The following BRD9 variants were observed in gnomAD, a reference collection of about 807,000 sequenced individuals.
BRD9 encodes the protein bromodomain-containing protein 9.
Under a neutral mutation model 68.7 loss-of-function variants are expected in BRD9, and 47 were observed. That is an observed-to-expected ratio of 0.68 (90% confidence interval 0.54 to 0.87). The LOEUF (loss-of-function observed/expected upper bound fraction) is 0.87, where lower values mean the gene tolerates loss of function less well. Among genes scored for constraint, BRD9 ranks in the 40% least tolerant of loss-of-function variants. The pLI is 0.00. For synonymous variants in BRD9, 313 were observed against 293.9 expected, an observed-to-expected ratio of 1.06 and a Z score of -0.67; for missense variants, 670 against 748.4, an observed-to-expected ratio of 0.90 and a Z score of 1.22.
At chr5:877,427 T>C (rs1055906423) in intron 11 of BRD9, among the ~76,000 whole-genome samples, 3 of 152,386 alleles carry the variant, frequency 2.0e-5, no homozygotes, top group Admixed American at 1.3e-4. Context: ...TCACTTATTT[T>C]ATGAAGCACT....
Position 884,072 on chromosome 5 carries a change from T to A in BRD9, c.834-2A>T. The A allele has an allele frequency of 1.2e-6, 2 of 1,612,700 alleles. No individual in the cohort carries two copies. Among genetic ancestry groups the A allele is most frequent in the Non-Finnish European group, 1.7e-6 (2 of 1,179,642 alleles). On this transcript the variant is annotated splice_acceptor_variant, in intron 7 of 15. Coordinates refer to ENST00000467963, the MANE Select transcript of BRD9 (RefSeq NM_023924.5). LOFTEE classifies it high-confidence loss of function. ...TTCCCTTCAGGCTCAAACATGCAGC[T>A]GTGAGGTGGGGACAACCAAGTCACC...
At chr5:880,769 G>C (rs1461449292) in intron 9 of BRD9, among the ~76,000 whole-genome samples, 2 of 152,218 alleles carry the variant, frequency 1.3e-5, no homozygotes, top group Non-Finnish European at 2.9e-5. Context: ...CCAGCACTCT[G>C]GTCTTTGCTG....
At chr5:889,211 T>C in intron 4 of BRD9, 46 bp from the exon 5 acceptor site, 1 of 1,574,946 alleles carries the variant, frequency 6.3e-7, no homozygotes, top group Non-Finnish European at 8.6e-7. Flanking sequence ...GATTTCTAAA[T>C]GATACAAAAT....
At chr5:884,209 A>G (rs903083574) in intron 7 of BRD9, 139 bp from the exon 8 acceptor site, 4 of 991,630 alleles carry the variant, frequency 4.0e-6, no homozygotes, top group African/African-American at 3.3e-5. Context: ...AACTCCTTTT[A>G]GGTCTCAAAG....
chr5:886,653 C>T lies in BRD9; in HGVS notation c.772G>A (p.Val258Ile). The T allele has an allele frequency of 6.2e-7, 1 of 1,614,212 alleles. No homozygotes were observed. ...DTAVEEPVPE[V>I]VPVQVETAKK... Reference sequence around the variant, plus strand: ...GCAGTTTCTACTTGTACTGGTACAACTTCAGGGACAGGTTCCTCAACAGCT... The same window carrying T: ...GCAGTTTCTACTTGTACTGGTACAATTTCAGGGACAGGTTCCTCAACAGCT... The change falls in exon 7 of 16, where the codon GTT becomes ATT. Residue 258 changes from valine (V) to isoleucine (I), a missense_variant. Coordinates refer to ENST00000467963, the MANE Select transcript of BRD9 (RefSeq NM_023924.5).
chr5:869,114 A>T (rs1005048137), intron 14 of BRD9: 2 of 297,952 alleles, frequency 6.7e-6, no homozygotes, highest in Admixed American at 1.0e-4. Context: ...GAAGTCAGGG[A>T]AACATCTGTA....
intron 13 of BRD9, 136 bp downstream of exon 13, chr5:871,390 T>C: frequency 1.3e-6 from 1 of 787,206 alleles, no homozygotes; most frequent in Non-Finnish European, 2.2e-6. Flanking sequence ...GGAGAAACAC[T>C]ATTGATCTTA....
chr5:865,655 G>A, intron 14 of BRD9, 74 bp from the exon 15 acceptor site: 2 of 1,466,542 alleles, frequency 1.4e-6, no homozygotes, highest in South Asian at 1.3e-5. Flanking sequence ...GGAGCACACT[G>A]CCCATCCAGA....
At position 865,392 on chromosome 5, in the gene BRD9, GGC is replaced by G; in HGVS notation, c.1693+20_1693+21del. On this transcript the variant is annotated intron_variant, in intron 15 of 15. Coordinates refer to ENST00000467963, the MANE Select transcript of BRD9 (RefSeq NM_023924.5). ...ACTGTGCTGGGGTCTCTGGGGATGC[GGC>G]GTGGGTGGGGGCATCTCACCCAGGT... 6.4e-7 allele frequency: 1 copy of G among 1,552,204 alleles called. No individual in the cohort carries two copies. The highest frequency in any genetic ancestry group is 8.7e-7 in the Non-Finnish European group (1 of 1,146,044).
rs551169509 is a variant in BRD9, at chr5:864,868, G to A, written c.1694-300C>T. Among the ~76,000 whole-genome samples the A allele has an allele frequency of 1.2e-4, 18 of 152,264 alleles. No homozygotes were observed. In the East Asian group the frequency reaches 2.1e-3, roughly 18 times the overall value. On this transcript the variant is annotated intron_variant, in intron 15 of 15. Coordinates refer to ENST00000467963, the MANE Select transcript of BRD9 (RefSeq NM_023924.5). ...GTTCCCAAAGTCATACTGGGATATCGGGGGCCTCAGACTTTGACCTACGGC... is the reference window on the plus strand; with the variant it reads ...GTTCCCAAAGTCATACTGGGATATCAGGGGCCTCAGACTTTGACCTACGGC...
At chr5:869,376 A>G (rs760990116) in intron 14 of BRD9, 2 of 456,106 alleles carry the variant, frequency 4.4e-6, no homozygotes, top group South Asian at 3.1e-5. Context: ...GTACAGCATC[A>G]CGTGATAGAT....
chr5:864,513 A>C lies in BRD9; in HGVS notation c.1749T>G (p.Tyr583Ter). 1 of 1,614,066 alleles carries C rather than the reference A, an allele frequency of 6.2e-7. No homozygotes were observed. Among genetic ancestry groups the C allele is most frequent in the Non-Finnish European group, 8.5e-7 (1 of 1,179,958 alleles). ...GEQPDVTHDP[Y>*]EFLQSPEPAA... Reference sequence around the variant, plus strand: ...CAGGCTCTGGAGACTGAAGAAACTCATAGGGGTCGTGGGTGACGTCTGGCT... The same window carrying C: ...CAGGCTCTGGAGACTGAAGAAACTCCTAGGGGTCGTGGGTGACGTCTGGCT... The change falls in exon 16 of 16, where the codon TAT (tyrosine) becomes TAG (stop). Residue 583 changes from tyrosine to a stop codon, truncating the protein, a stop_gained. Coordinates refer to ENST00000467963, the MANE Select transcript of BRD9 (RefSeq NM_023924.5). LOFTEE classifies it high-confidence loss of function.
chr5:885,381 G>A (rs1163388438), intron 7 of BRD9, among the ~76,000 whole-genome samples: 1 of 152,234 alleles, frequency 6.6e-6, no homozygotes, highest in Non-Finnish European at 1.5e-5. Context: ...TTGACGGTTG[G>A]AGGGAGCTGC....
At chr5:887,958 C>G (rs955473271) in intron 5 of BRD9, among the ~76,000 whole-genome samples, 3 of 152,194 alleles carry the variant, frequency 2.0e-5, no homozygotes, top group East Asian at 3.8e-4. Flanking sequence ...AAAGGACAAC[C>G]TTATTTTGTA....
intron 3 of BRD9, 144 bp from the exon 4 acceptor site, chr5:889,791 C>G: frequency 2.7e-6 from 4 of 1,476,104 alleles, no homozygotes; most frequent in Non-Finnish European, 3.6e-6. Context: ...ATACATCCGA[C>G]TCAGCCTTGG....
chr5:880,735 T>C (rs1012189893), intron 9 of BRD9, among the ~76,000 whole-genome samples: 2 of 152,238 alleles, frequency 1.3e-5, no homozygotes, highest in Non-Finnish European at 2.9e-5. Flanking sequence ...AAGACTGCTT[T>C]CCAGATTCAA....
At chr5:878,225 C>G in intron 11 of BRD9, 130 bp downstream of exon 11, 1 of 1,350,676 alleles carries the variant, frequency 7.4e-7, no homozygotes, top group Non-Finnish European at 1.0e-6. Flanking sequence ...AACGGGAAGA[C>G]CCAGGCTGCC....
chr5:869,621 G>T (rs1749846354), intron 14 of BRD9, among the ~76,000 whole-genome samples: 2 of 152,180 alleles, frequency 1.3e-5, no homozygotes, highest in South Asian at 4.1e-4. Context: ...CCTGCTACCT[G>T]AAGGCTGAAT....
chr5:891,492 G>T, intron 2 of BRD9, 148 bp downstream of exon 2: 2 of 1,338,564 alleles, frequency 1.5e-6, no homozygotes, highest in Non-Finnish European at 2.0e-6. Flanking sequence ...AACTGAGTCT[G>T]CGGGCCTCAG....
Sources: gnomAD v4.1 joint callset for allele counts (sites outside exome capture counted in the v4.1 genomes callset) on GRCh38, gnomAD v4.1.1 for gene constraint, MANE v1.5 for transcripts, NCBI Gene and HGNC (gene_info 2026-07-23, HGNC 2026-07-21) for gene names.